Variants in TPRN observed in about 807,000 individuals in gnomAD.
TPRN encodes the protein chromosome 9 open reading frame 75.
In TPRN, 32 loss-of-function variants were observed where a neutral mutation model predicts 42.6. The observed-to-expected ratio is 0.75, with a 90% CI of 0.57 to 1.01. TPRN has a LOEUF of 1.01. TPRN is among the 50% of genes least tolerant of loss of function. The pLI, the probability that TPRN is intolerant of heterozygous loss-of-function variation, is 0.00. For missense variants in TPRN, 1,095 were observed against 957.5 expected, an observed-to-expected ratio of 1.14 and a Z score of -1.90; for synonymous variants, 541 against 445.6, an observed-to-expected ratio of 1.21 and a Z score of -2.70.
chr9:137,198,385 G>A (rs1355529242), intron 1 of TPRN, among the ~76,000 whole-genome samples: 3 of 152,246 alleles, frequency 2.0e-5, no homozygotes, highest in Non-Finnish European at 2.9e-5. Context: ...TCCCCAGCAA[G>A]CTTCCCAGGC....
At position 137,192,578 on chromosome 9, in the gene TPRN, C is replaced by T. The variant is rs149705183; in HGVS notation, c.1839G>A (p.Glu613=). The change falls in exon 2 of 4, where the codon GAG becomes GAA. Residue 613 remains glutamate, a synonymous_variant. Transcript: ENST00000409012. ...CCTCTTCCTCCTCTTCCTCTTCCTCCTCCTCCTCCTCCTCCTCCTCCTGCT... is the reference window on the plus strand; with the variant it reads ...CCTCTTCCTCCTCTTCCTCTTCCTCTTCCTCCTCCTCCTCCTCCTCCTGCT... ...VDQQEEEEEE[E]EEEEEEEEGS... 2.4e-5 allele frequency: 38 copies of T among 1,606,372 alleles called. No homozygotes were observed. The highest frequency in any genetic ancestry group is 5.5e-5 in the South Asian group (5 of 90,548).
Position 137,199,880 on chromosome 9 carries a change from T to C in TPRN, c.832A>G (p.Ser278Gly), listed in dbSNP as rs757623362. The C allele has an allele frequency of 8.7e-7, 1 of 1,143,022 alleles. No homozygotes were observed. Among genetic ancestry groups the C allele is most frequent in the Non-Finnish European group, 1.1e-6 (1 of 903,814 alleles). The allele number at this position is 1,143,022 out of a possible 1,614,324, so 70.8% of individuals were successfully genotyped here. ...PSATPASPPASATPSQRQCVS... is the reference protein window; with the variant it reads ...PSATPASPPAGATPSQRQCVS... The stretch of plus-strand genomic sequence containing the variant: ...CACTGGCGCTGGCTAGGAGTGGCAC[T>C]GGCAGGGGGTGAGGCTGGAGTGGCA... Residue 278 changes from serine to glycine, a missense_variant, in exon 1 of 4, where the codon AGT (serine) becomes GGT (glycine). By Grantham distance (56) the Ser-to-Gly change is moderately conservative. Coordinates refer to ENST00000409012, the MANE Select transcript of TPRN (RefSeq NM_001128228.3).
Position 137,199,413 on chromosome 9 carries a change from A to T in TPRN, c.1299T>A (p.Ala433=). 1 of 1,612,234 alleles carries T rather than the reference A, an allele frequency of 6.2e-7. No homozygotes were observed. Among genetic ancestry groups the T allele is most frequent in the Non-Finnish European group, 8.5e-7 (1 of 1,179,760 alleles). ...CCAAGCCAGGAACCCTGAGGCCCTC[A>T]GCAGGCTCAGCTTCTTCCGAAGCAG... ...LPAASEEAEP[A]EGLRVPGLAK... Residue 433 remains alanine (A), a synonymous_variant, in exon 1 of 4, where the codon GCT becomes GCA. Transcript: ENST00000409012.
At chr9:137,195,316 A>G (rs1834689987) in intron 1 of TPRN, among the ~76,000 whole-genome samples, 1 of 152,236 alleles carries the variant, frequency 6.6e-6, no homozygotes, top group African/African-American at 2.4e-5. Context: ...ACCCATGAGA[A>G]AGCTGAGGGA....
chr9:137,200,674 G>A lies in TPRN; in HGVS notation c.38C>T (p.Ala13Val). 1 of 1,233,594 alleles carries A rather than the reference G, an allele frequency of 8.1e-7. No individual in the cohort carries two copies. The highest frequency in any genetic ancestry group is 2.1e-5 in the South Asian group (1 of 48,272). The allele number at this position is 1,233,594 out of a possible 1,614,324, so 76.4% of individuals were successfully genotyped here. ...ALGRPGSGPR[A>V]AVPAWKREIL... Reference sequence around the variant, plus strand: ...CTCACGCTTCCAAGCGGGCACCGCAGCGCGCGGCCCCGAGCCCGGCCGCCC... The same window carrying A: ...CTCACGCTTCCAAGCGGGCACCGCAACGCGCGGCCCCGAGCCCGGCCGCCC... The change falls in exon 1 of 4, where the codon GCT becomes GTT. Residue 13 changes from alanine to valine, a missense_variant. Ala to Val is a moderately conservative substitution (Grantham distance 64). Coordinates refer to ENST00000409012, the MANE Select transcript of TPRN (RefSeq NM_001128228.3). The surrounding 1 kb of genome is among the most constrained non-coding windows in gnomAD (Gnocchi z 4.3).
chr9:137,199,008 C>T lies in TPRN; in HGVS notation c.1704G>A (p.Lys568=). ...TGACCTTCTTTCTTGAGGAGCCAGC[C>T]TTGGTGAGGCAGGACTTCTGCAGGG... ...YLALQKSCLT[K]AGSSRKKMKI... The change falls in exon 1 of 4, where the codon AAG becomes AAA. Residue 568 remains lysine (K), a synonymous_variant. Coordinates refer to ENST00000409012, the MANE Select transcript of TPRN (RefSeq NM_001128228.3). 1 of 1,613,064 alleles carries T rather than the reference C, an allele frequency of 6.2e-7. No homozygotes were observed. Among genetic ancestry groups the T allele is most frequent in the Non-Finnish European group, 8.5e-7 (1 of 1,180,000 alleles).
At chr9:137,192,205 T>TGGGCTCGCCCGGGTGTC in intron 3 of TPRN, 31 bp from the exon 4 acceptor site, 3 of 1,613,344 alleles carry the variant, frequency 1.9e-6, no homozygotes, top group Non-Finnish European at 2.5e-6. Flanking sequence ...TGTGGACACA[T>TGGGCTCGCCCGGGTGTC]GGGCTCGCCC....
In TPRN at chr9:137,192,271, G is replaced by A. The variant is rs148307085; in HGVS notation, c.2061C>T (p.Pro687=). The A allele has an allele frequency of 1.1e-4, 183 of 1,612,936 alleles. No individual in the cohort carries two copies. The highest frequency in any genetic ancestry group is 1.4e-4 in the Non-Finnish European group (169 of 1,180,022). ...CCCCGCATCTCACCATGGCCTCCAC[G>A]GGCGGGGGCTCTGCCTCCCTCGGGG... ...EQAPREAEPP[P]VEAMLTPASQ... The change falls in exon 3 of 4, where the codon CCC becomes CCT. Residue 687 remains proline (P), a synonymous_variant. Coordinates refer to ENST00000409012, the MANE Select transcript of TPRN (RefSeq NM_001128228.3).
rs1461562518 is a variant in TPRN at position 137,199,262 on chromosome 9, G to A, written c.1450C>T (p.Pro484Ser). ...YLPHPARPLHPARPGCVAELQ... is the reference protein window; with the variant it reads ...YLPHPARPLHSARPGCVAELQ... ...TCTGCCACGCACCCGGGCCTGGCAG[G>A]GTGCAGAGGCCTGGCAGGGTGCGGG... Residue 484 changes from proline to serine, a missense_variant, in exon 1 of 4, where the codon CCT becomes TCT. Pro to Ser is a moderately conservative substitution (Grantham distance 74). Coordinates refer to ENST00000409012, the MANE Select transcript of TPRN (RefSeq NM_001128228.3). 1.2e-6 allele frequency: 2 copies of A among 1,612,270 alleles called. No individual in the cohort carries two copies. The highest frequency in any genetic ancestry group is 1.3e-5 in the African/African-American group (1 of 74,864).
At chr9:137,197,903 G>C (rs1227050795) in intron 1 of TPRN, among the ~76,000 whole-genome samples, 2 of 152,228 alleles carry the variant, frequency 1.3e-5, no homozygotes, top group Non-Finnish European at 2.9e-5. Flanking sequence ...GAGCCGGCAG[G>C]GGCACCAACG....
chr9:137,192,329 A>G lies in TPRN; in HGVS notation c.2003T>C (p.Phe668Ser). 1 of 1,612,966 alleles carries G rather than the reference A, an allele frequency of 6.2e-7. No individual in the cohort carries two copies. The highest frequency in any genetic ancestry group is 8.5e-7 in the Non-Finnish European group (1 of 1,180,000). The change falls in exon 3 of 4, where the codon TTC becomes TCC. Residue 668 changes from phenylalanine to serine, a missense_variant. Physicochemically the swap from Phe to Ser is radical, Grantham distance 155. Coordinates refer to ENST00000409012, the MANE Select transcript of TPRN (RefSeq NM_001128228.3). ...SSYTPKHSVA[F>S]SKWQEQALEQ... ...CAGCGCCTGCTCCTGCCACTTGCTG[A>G]AGGCCACAGAGTGCTTCGGGGTGTA...
intron 1 of TPRN, 50 bp downstream of exon 1, chr9:137,198,937 G>A (rs1834745747): frequency 6.2e-7 from 1 of 1,610,200 alleles, no homozygotes; most frequent in Admixed American, 1.7e-5. Context: ...ACAGTTCTGT[G>A]AGCTGTCACT....
intron 1 of TPRN, among the ~76,000 whole-genome samples, chr9:137,198,481 T>C (rs1588775222): frequency 6.6e-6 from 1 of 152,204 alleles, no homozygotes; most frequent in African/African-American, 2.4e-5. Context: ...AACTGGCTGG[T>C]GGGCTGCACC....
At position 137,191,645 on chromosome 9, in the gene TPRN, C is replaced by T. The variant is rs1032803716; in HGVS notation, c.*467G>A. On this transcript the variant is annotated 3_prime_UTR_variant, in exon 4 of 4. Transcript: ENST00000409012. Reference sequence around the variant, plus strand: ...CTTGTCCAGTGCTGTTTATTGAGTCCATCATCAGAGGCAGGAAAGACGCCA... The same window carrying T: ...CTTGTCCAGTGCTGTTTATTGAGTCTATCATCAGAGGCAGGAAAGACGCCA... 5 of 310,094 alleles carry T rather than the reference C, an allele frequency of 1.6e-5. No individual in the cohort carries two copies. The highest frequency in any genetic ancestry group is 2.6e-5 in the Non-Finnish European group (4 of 155,594). 19.2% of individuals were successfully genotyped at this position (310,094 alleles called of 1,614,324 possible).
At position 137,199,149 on chromosome 9, in the gene TPRN, G is replaced by A. The variant is rs1251169095; in HGVS notation, c.1563C>T (p.Asn521=). The stretch of plus-strand genomic sequence containing the variant: ...CGGCCTCCCGTGGCCGAGGCTCCCT[G>A]TTGGCCTGACTGAAGTGCTGGTCCT... ...TLQDQHFSQA[N]REPRPREAEE... The change falls in exon 1 of 4, where the codon AAC becomes AAT. Residue 521 remains asparagine (N), a synonymous_variant. Transcript: ENST00000409012. The A allele has an allele frequency of 1.2e-6, 2 of 1,613,250 alleles. No homozygotes were observed. Among genetic ancestry groups the A allele is most frequent in the Non-Finnish European group, 1.7e-6 (2 of 1,180,024 alleles).
Position 137,199,623 on chromosome 9 carries a change from C to T in TPRN, c.1089G>A (p.Pro363=), listed in dbSNP as rs1564386117. The stretch of plus-strand genomic sequence containing the variant: ...CCGGCTGGGATCCGAGCTCCTGGCT[C>T]GGGGAGGCCGGGCCCAGGTCTCCCT... ...LPKGDLGPAS[P]SQELGSQPVP... Residue 363 remains proline (P), a synonymous_variant, in exon 1 of 4, where the codon CCG becomes CCA. Coordinates refer to ENST00000409012, the MANE Select transcript of TPRN (RefSeq NM_001128228.3). 1 of 1,560,800 alleles carries T rather than the reference C, an allele frequency of 6.4e-7. No individual in the cohort carries two copies. The highest frequency in any genetic ancestry group is 8.7e-7 in the Non-Finnish European group (1 of 1,153,042).
Position 137,199,589 on chromosome 9 carries a change from C to A in TPRN, c.1123G>T (p.Gly375Trp). The A allele has an allele frequency of 1.3e-6, 2 of 1,555,948 alleles. No individual in the cohort carries two copies. The highest frequency in any genetic ancestry group is 2.7e-5 in the African/African-American group (2 of 73,478). ...TTCCCGAGGGCAGGCGCACCATCCCCTCCAGGCACCGGCTGGGATCCGAGC... is the reference window on the plus strand; with the variant it reads ...TTCCCGAGGGCAGGCGCACCATCCCATCCAGGCACCGGCTGGGATCCGAGC... ...QELGSQPVPG[G>W]DGAPALGKSP... The change falls in exon 1 of 4, where the codon GGG becomes TGG. Residue 375 changes from glycine to tryptophan, a missense_variant. Coordinates refer to ENST00000409012, the MANE Select transcript of TPRN (RefSeq NM_001128228.3).
Position 137,192,556 on chromosome 9 carries a change from C to G in TPRN, c.1861G>C (p.Glu621Gln), listed in dbSNP as rs746612209. The stretch of plus-strand genomic sequence containing the variant: ...GGCTTCTCCTCTGAGCCGGATCCCT[C>G]TTCCTCCTCTTCCTCTTCCTCCTCC... ...EEEEEEEEEE[E>Q]GSGSEEKPFA... The change falls in exon 2 of 4, where the codon GAG becomes CAG. Residue 621 changes from glutamate to glutamine, a missense_variant. Physicochemically the swap from Glu to Gln is conservative, Grantham distance 29. Transcript: ENST00000409012. 2 of 1,610,712 alleles carry G rather than the reference C, an allele frequency of 1.2e-6. No homozygotes were observed. The highest frequency in any genetic ancestry group is 1.7e-5 in the Admixed American group (1 of 59,582).
chr9:137,199,472 G>A lies in TPRN; in HGVS notation c.1240C>T (p.Gln414Ter), dbSNP rs753551549. 3 of 1,599,132 alleles carry A rather than the reference G, an allele frequency of 1.9e-6. No homozygotes were observed. The highest frequency in any genetic ancestry group is 1.7e-6 in the Non-Finnish European group (2 of 1,173,640). Reference protein sequence around the residue: ...TALADRAIRWQRPSSPPPFLP... With the variant: ...TALADRAIRW ...AAGGGGGGCGGTGAGGACGGCCTCT[G>A]CCACCTAATAGCCCGGTCAGCGAGG... is the stretch of plus-strand genomic sequence containing the variant. Residue 414 changes from glutamine to a stop codon, truncating the protein, a stop_gained, in exon 1 of 4, where the codon CAG becomes TAG. Coordinates refer to ENST00000409012, the MANE Select transcript of TPRN (RefSeq NM_001128228.3). LOFTEE classifies it high-confidence loss of function.
Sources: allele counts gnomAD v4.1 joint callset (sites outside exome capture counted in the v4.1 genomes callset), GRCh38; gene constraint gnomAD v4.1.1; non-coding constraint Gnocchi (gnomAD v3.1); transcripts MANE v1.5; gene names NCBI Gene and HGNC (gene_info 2026-07-23, HGNC 2026-07-21).